MAML3: variants seen among roughly 807,000 people sequenced by gnomAD.
The protein encoded by MAML3 is mastermind-like protein 3.
MAML3 carries 27 observed loss-of-function variants against 101.9 expected under a neutral mutation model. The observed-to-expected ratio is 0.27, with a 90% CI of 0.20 to 0.37. The LOEUF is 0.37. MAML3 is among the 10% of genes least tolerant of loss of function. MAML3 has a pLI of 1.00. For synonymous variants in MAML3, 501 were observed against 555.9 expected, an observed-to-expected ratio of 0.90 and a Z score of 1.39; for missense variants, 1,316 against 1,444.9, an observed-to-expected ratio of 0.91 and a Z score of 1.45.
At chr4:139,765,940 T>C (rs1729847850) in intron 2 of MAML3, among the ~76,000 whole-genome samples, 1 of 152,020 alleles carries the variant, frequency 6.6e-6, no homozygotes, top group Non-Finnish European at 1.5e-5. Flanking sequence ...TGAGCTATGA[T>C]CATACCACTG....
intron 1 of MAML3, 79 bp downstream of exon 1, chr4:140,152,781 T>A: frequency 6.5e-7 from 1 of 1,548,450 alleles, no homozygotes; most frequent in Non-Finnish European, 8.7e-7. Context: ...TGTACCCCCA[T>A]GTAAGAAGCT....
intron 1 of MAML3, among the ~76,000 whole-genome samples, chr4:140,047,491 T>C (rs1035493872): frequency 6.6e-6 from 1 of 152,140 alleles, no homozygotes; most frequent in East Asian, 1.9e-4. Context: ...AACCCAGAGA[T>C]GAAGGCGCGG....
rs545111329 is a variant in MAML3, at chr4:139,831,508, T to C, written c.2079+57849A>G. ...GATAAATACAACACTGTCTGTTTAT[T>C]GATAAAGGCCTAGCAAGATATTCTA... is the stretch of plus-strand genomic sequence containing the variant. On this transcript the variant is annotated intron_variant, in intron 2 of 4. Coordinates refer to ENST00000509479, the MANE Select transcript of MAML3 (RefSeq NM_018717.5). 5.3e-5 allele frequency among the ~76,000 whole-genome samples: 8 copies of C among 152,316 alleles called. No homozygotes were observed. In the East Asian group the frequency reaches 1.5e-3, roughly 29 times the overall value.
rs1728570579 is a variant in MAML3, at chr4:140,119,590, TC to T, written c.468+33269del. Among the ~76,000 whole-genome samples, 3 of 114,766 alleles carry T rather than the reference TC, an allele frequency of 2.6e-5. 1 individual carries two copies. In the South Asian group the frequency reaches 8.5e-4, roughly 33 times the overall value. The allele number at this position is 114,766 out of a possible 152,430, so 75.3% of individuals were successfully genotyped here. On this transcript the variant is annotated intron_variant, in intron 1 of 4. Transcript: ENST00000509479. Reference sequence around the variant, plus strand: ...AGACACTTTGGGATACACAATTTTTTCCCCCTCCCTCCCTCCCTCCCTTCCT... The same window carrying T: ...AGACACTTTGGGATACACAATTTTTTCCCCTCCCTCCCTCCCTCCCTTCCT...
rs2111084150 is a variant in MAML3, at chr4:139,785,002, CG to C, written c.2080-54336del. The stretch of plus-strand genomic sequence containing the variant: ...AATGGTACTATGTACATACCTTATT[CG>C]GGTGATGTATACACTAAAAGCCCAG... On this transcript the variant is annotated intron_variant, in intron 2 of 4. Transcript: ENST00000509479. This position sits in a 1 kb window ranked among gnomAD's most constrained non-coding sequence, Gnocchi z 4.3. Among the ~76,000 whole-genome samples the C allele has an allele frequency of 6.6e-6, 1 of 152,304 alleles. No homozygotes were observed. The highest frequency in any genetic ancestry group is 2.1e-4 in the South Asian group (1 of 4,824).
chr4:139,889,060 T>C, intron 2 of MAML3: 1 of 505,964 alleles, frequency 2.0e-6, no homozygotes, highest in Non-Finnish European at 3.7e-6. Context: ...GAGTGACCTC[T>C]GCAGCCTCCC....
At position 139,927,077 on chromosome 4, in the gene MAML3, T is replaced by TC. The variant is rs1264252543; in HGVS notation, c.469-36111_469-36110insG. ...AATGAGTTTTTTTCTTTTTTCTTTTTTTTTTTTTTGTACTTTTTGTACTTT... is the reference window on the plus strand; with the variant it reads ...AATGAGTTTTTTTCTTTTTTCTTTTTCTTTTTTTTTGTACTTTTTGTACTTT... On this transcript the variant is annotated intron_variant, in intron 1 of 4. Transcript: ENST00000509479. Among the ~76,000 whole-genome samples the TC allele has an allele frequency of 2.4e-3, 362 of 150,304 alleles. 6 individuals are homozygous for TC. Among genetic ancestry groups the TC allele is most frequent in the African/African-American group, 8.4e-3 (346 of 41,216 alleles).
intron 2 of MAML3, among the ~76,000 whole-genome samples, chr4:139,867,379 G>A (rs962830175): frequency 2.0e-5 from 3 of 152,150 alleles, no homozygotes; most frequent in Admixed American, 1.3e-4. Context: ...AGGCCTAGAG[G>A]GTGCCACAGA....
intron 2 of MAML3, among the ~76,000 whole-genome samples, chr4:139,770,495 C>A (rs1369726512): frequency 6.6e-6 from 1 of 152,162 alleles, no homozygotes; most frequent in East Asian, 1.9e-4. Context: ...AAGCTCCTCC[C>A]AGGATCCTAA....
intron 1 of MAML3, among the ~76,000 whole-genome samples, chr4:140,106,599 A>G (rs1728356515): frequency 6.6e-6 from 1 of 152,260 alleles, no homozygotes; most frequent in South Asian, 2.1e-4. Context: ...ACTAGGATTT[A>G]AAATTGTATA....
rs1041737771 is a variant in MAML3 at position 139,798,525 on chromosome 4, T to C, written c.2080-67858A>G. Among the ~76,000 whole-genome samples, 106 of 152,206 alleles carry C rather than the reference T, an allele frequency of 7.0e-4. 1 individual carries two copies. Among genetic ancestry groups the C allele is most frequent in the Admixed American group, 6.8e-3 (104 of 15,286 alleles). ...ACAACAGCTTCTATGGTAACTGTATTGTCAAGTGCAACAGAAAGACAAGGT... is the reference window on the plus strand; with the variant it reads ...ACAACAGCTTCTATGGTAACTGTATCGTCAAGTGCAACAGAAAGACAAGGT... On this transcript the variant is annotated intron_variant, in intron 2 of 4. Transcript: ENST00000509479.
chr4:139,803,725 G>C (rs1185436140), intron 2 of MAML3, among the ~76,000 whole-genome samples: 2 of 152,130 alleles, frequency 1.3e-5, no homozygotes, highest in Non-Finnish European at 2.9e-5. Flanking sequence ...TCTATAAAGT[G>C]CCTGGCTATG....
chr4:140,046,421 C>T (rs1177326428), intron 1 of MAML3, among the ~76,000 whole-genome samples: 2 of 152,206 alleles, frequency 1.3e-5, no homozygotes, highest in Admixed American at 1.3e-4. Flanking sequence ...TTCTTTGTTA[C>T]TATACCATCA....
chr4:139,765,096 G>A (rs1729833224), intron 2 of MAML3, among the ~76,000 whole-genome samples: 1 of 152,236 alleles, frequency 6.6e-6, no homozygotes, highest in African/African-American at 2.4e-5. Context: ...ATCTTAGGCA[G>A]CCCCACTAAC....
chr4:140,081,920 A>G (rs1476892684), intron 1 of MAML3, among the ~76,000 whole-genome samples: 1 of 152,206 alleles, frequency 6.6e-6, no homozygotes. Context: ...CCAGAAACCT[A>G]TCTTCAGAAT....
At chr4:139,887,881 T>C (rs1235052328) in intron 2 of MAML3, among the ~76,000 whole-genome samples, 1 of 152,162 alleles carries the variant, frequency 6.6e-6, no homozygotes, top group African/African-American at 2.4e-5. Flanking sequence ...CTGGAGTATA[T>C]AAAATGCTGT....
At chr4:140,129,943 T>G (rs11100506) in intron 1 of MAML3, among the ~76,000 whole-genome samples, 25,795 of 150,176 alleles carry the variant, frequency 0.17, 2,771 homozygotes, top group Non-Finnish European at 0.24. Context: ...CCAGCCTGGG[T>G]GACCTGAGCG....
At chr4:139,978,842 T>C (rs1578626374) in intron 1 of MAML3, among the ~76,000 whole-genome samples, 1 of 152,102 alleles carries the variant, frequency 6.6e-6, no homozygotes, top group Non-Finnish European at 1.5e-5. Flanking sequence ...GAACTGGCTA[T>C]ATAGCAGGAA....
intron 1 of MAML3, among the ~76,000 whole-genome samples, chr4:140,046,610 C>T (rs1315911758): frequency 6.6e-6 from 1 of 152,146 alleles, no homozygotes. Flanking sequence ...ATTCAACAGG[C>T]ATTTCTTCAG....
Sources: gnomAD v4.1 joint callset for allele counts (sites outside exome capture counted in the v4.1 genomes callset) on GRCh38, gnomAD v4.1.1 for gene constraint, Gnocchi (gnomAD v3.1) non-coding constraint, MANE v1.5 for transcripts, NCBI Gene and HGNC (gene_info 2026-07-23, HGNC 2026-07-21) for gene names.